RGS12: variants seen among roughly 807,000 people sequenced by gnomAD.
RGS12 encodes the protein regulator of G-protein signaling 12.
RGS12 carries 66 observed loss-of-function variants against 120.1 expected under a neutral mutation model. That is an observed-to-expected ratio of 0.55 (90% confidence interval 0.45 to 0.67). The LOEUF (loss-of-function observed/expected upper bound fraction) is 0.67, where lower values mean the gene tolerates loss of function less well. Ranked by LOEUF, RGS12 falls within the 30% of genes least tolerant of loss-of-function variation. RGS12 has a pLI of 0.00. For synonymous variants in RGS12, 827 were observed against 804.7 expected (o/e 1.03, Z -0.47); for missense variants, 1,859 against 1,957.7 (o/e 0.95, Z 0.95).
chr4:3,313,187 G>T (rs1414133809), intron 1 of RGS12: 2 of 152,238 alleles, frequency 1.3e-5, no homozygotes, highest in African/African-American at 4.8e-5. Context: ...CTGCATAGAA[G>T]ACATTGTCCA....
chr4:3,286,145 G>A, the RGS12 span, among the ~76,000 whole-genome samples: 1 of 152,354 alleles, frequency 6.6e-6, no homozygotes, highest in South Asian at 2.1e-4. Context: ...CCACAGGGAG[G>A]GTCACCAACT....
chr4:3,375,941 G>C (rs1717642819), intron 3 of RGS12, among the ~76,000 whole-genome samples: 1 of 152,226 alleles, frequency 6.6e-6, no homozygotes, highest in Non-Finnish European at 1.5e-5. Flanking sequence ...CCTGCCACCT[G>C]TCTGCGTGCT....
intron 2 of RGS12, among the ~76,000 whole-genome samples, chr4:3,321,878 G>A (rs1172530864): frequency 1.3e-5 from 2 of 152,224 alleles, no homozygotes; most frequent in Non-Finnish European, 2.9e-5. Context: ...AATGTTAAAC[G>A]TTCCCTTTGA....
intron 1 of RGS12, among the ~76,000 whole-genome samples, chr4:3,303,598 G>T (rs559249642): frequency 3.3e-5 from 5 of 152,326 alleles, no homozygotes; most frequent in African/African-American, 7.2e-5. Flanking sequence ...CCCTGGTAGT[G>T]GGGGGAACAA....
Position 3,433,086 on chromosome 4 carries a change from T to C in RGS12, c.4114+2131T>C, listed in dbSNP as rs1347759224. Among the ~76,000 whole-genome samples the C allele has an allele frequency of 1.3e-5, 2 of 152,228 alleles. No homozygotes were observed. Among genetic ancestry groups the C allele is most frequent in the South Asian group, 2.1e-4 (1 of 4,836 alleles). On this transcript the variant is annotated intron_variant, in intron 17 of 17. Coordinates refer to ENST00000336727, the MANE Select transcript of RGS12 (RefSeq NM_001394154.1). The surrounding 1 kb of genome is among the most constrained non-coding windows in gnomAD (Gnocchi z 4.4). Reference sequence around the variant, plus strand: ...CAAAGGAAACAGGCTGTGAATGCCGTGGTGGCCTGATGGAACCTCTTTCAC... The same window carrying C: ...CAAAGGAAACAGGCTGTGAATGCCGCGGTGGCCTGATGGAACCTCTTTCAC...
At chr4:3,399,669 CA>C (rs1278384036) in intron 4 of RGS12, among the ~76,000 whole-genome samples, 1 of 152,156 alleles carries the variant, frequency 6.6e-6, no homozygotes, top group Non-Finnish European at 1.5e-5. Flanking sequence ...TCAACATAGG[CA>C]AAAATGATTT....
In RGS12 at chr4:3,389,769, G is replaced by A. The variant is rs1719272624; in HGVS notation, c.2020+3332G>A. ...CAGCAGGAAAGCCGGGGAACTGTGC[G>A]GCTCTGGCTTTGGGGGACGGTGGCA... On this transcript the variant is annotated intron_variant, in intron 4 of 17. Coordinates refer to ENST00000336727, the MANE Select transcript of RGS12 (RefSeq NM_001394154.1). The surrounding 1 kb of genome is among the most constrained non-coding windows in gnomAD (Gnocchi z 5.2). Among the ~76,000 whole-genome samples, 2 of 152,178 alleles carry A rather than the reference G, an allele frequency of 1.3e-5. No homozygotes were observed. The highest frequency in any genetic ancestry group is 2.4e-5 in the African/African-American group (1 of 41,434).
chr4:3,311,456 T>C (rs1376793103), intron 1 of RGS12, among the ~76,000 whole-genome samples: 1 of 152,278 alleles, frequency 6.6e-6, no homozygotes, highest in Admixed American at 6.5e-5. Context: ...TTCTTTGTTT[T>C]GTTTTATTGT....
intron 3 of RGS12, among the ~76,000 whole-genome samples, chr4:3,381,718 G>A (rs1718278217): frequency 1.3e-5 from 2 of 152,138 alleles, no homozygotes; most frequent in African/African-American, 2.4e-5. Context: ...CACAACACGG[G>A]ATTATTGGAA....
At chr4:3,423,485 T>G in intron 12 of RGS12, 30 bp from the exon 13 acceptor site, 1 of 1,611,670 alleles carries the variant, frequency 6.2e-7, no homozygotes, top group Non-Finnish European at 8.5e-7. Flanking sequence ...CTGACATGAG[T>G]TGGTAGTGAA....
At chr4:3,410,217 C>T (rs1274912097) in intron 4 of RGS12, among the ~76,000 whole-genome samples, 1 of 152,236 alleles carries the variant, frequency 6.6e-6, no homozygotes, top group Non-Finnish European at 1.5e-5. Flanking sequence ...TGGGCTCAAG[C>T]CATCCTCTGG....
At chr4:3,422,777 C>G in intron 11 of RGS12, 128 bp from the exon 12 acceptor site, 3 of 1,022,120 alleles carry the variant, frequency 2.9e-6, no homozygotes, top group Non-Finnish European at 4.5e-6. Context: ...AGGGTGATCG[C>G]TTTCTTTGGA....
In RGS12 at chr4:3,423,530, G is replaced by A. The variant is rs375935101; in HGVS notation, c.3123G>A (p.Pro1041=). The A allele has an allele frequency of 8.7e-6, 14 of 1,612,986 alleles. No homozygotes were observed. The highest frequency in any genetic ancestry group is 8.3e-5 in the Admixed American group (5 of 59,998). The change falls in exon 13 of 18, where the codon CCG becomes CCA. Residue 1041 remains proline, a synonymous_variant. Transcript: ENST00000336727. ...CCCCCACCAGGCTGGATCTTGTTCC[G>A]ATTAACCGGTCAGTGGGACTCAAGG... is the stretch of plus-strand genomic sequence containing the variant. ...KRTLFRLDLV[P]INRSVGLKAK...
At chr4:3,406,965 CTGTT>C (rs1289641811) in intron 4 of RGS12, among the ~76,000 whole-genome samples, 2 of 152,158 alleles carry the variant, frequency 1.3e-5, no homozygotes, top group East Asian at 3.8e-4. Context: ...TGATAACACG[CTGTT>C]TGAGTGATCA....
At position 3,352,725 on chromosome 4, in the gene RGS12, C is replaced by A. The variant is rs116825273; in HGVS notation, c.1998+9672C>A. On this transcript the variant is annotated intron_variant, in intron 3 of 17. Coordinates refer to ENST00000336727, the MANE Select transcript of RGS12 (RefSeq NM_001394154.1). ...CAGATGTCCTCGCAGAAGTAATTTG[C>A]GTATGTGTGTAAGGTTGTTTGGCCT... 2.0e-5 allele frequency among the ~76,000 whole-genome samples: 3 copies of A among 152,226 alleles called. No individual in the cohort carries two copies. The South Asian group carries it at 6.2e-4, about 32-fold the overall frequency.
chr4:3,313,352 G>T (rs1724529763), intron 1 of RGS12, among the ~76,000 whole-genome samples: 2 of 152,252 alleles, frequency 1.3e-5, no homozygotes, highest in Admixed American at 6.5e-5. Flanking sequence ...CTGTCCTGGG[G>T]CTGTTCACAG....
At position 3,420,434 on chromosome 4, in the gene RGS12, C is replaced by A. The variant is rs562991397; in HGVS notation, c.2762-208C>A. Reference sequence around the variant, plus strand: ...CATCTCTGCTGCATGGTGGGTAGAGCCTTGTTGGTCCCTGACTGGCTTCCA... The same window carrying A: ...CATCTCTGCTGCATGGTGGGTAGAGACTTGTTGGTCCCTGACTGGCTTCCA... On this transcript the variant is annotated intron_variant, in intron 9 of 17. Transcript: ENST00000336727. 10 of 626,382 alleles carry A rather than the reference C, an allele frequency of 1.6e-5. No homozygotes were observed. The African/African-American group carries it at 1.8e-4, about 12-fold the overall frequency. The allele number at this position is 626,382 out of a possible 1,614,324, so 38.8% of individuals were successfully genotyped here. A position where few individuals can be genotyped will look rare whatever the true frequency, so the allele number is the denominator to read the frequency against.
chr4:3,419,131 G>A (rs1052270107), intron 9 of RGS12: 2 of 151,916 alleles, frequency 1.3e-5, no homozygotes, highest in African/African-American at 4.8e-5. Flanking sequence ...AGAAGTTCGA[G>A]ACCAGCCTGG....
chr4:3,303,545 C>T (rs1348265589), intron 1 of RGS12, among the ~76,000 whole-genome samples: 1 of 152,202 alleles, frequency 6.6e-6, no homozygotes, highest in Admixed American at 6.5e-5. Context: ...AGTTTCCCCT[C>T]CTTGGGAGAA....
Sources: allele counts gnomAD v4.1 joint callset (sites outside exome capture counted in the v4.1 genomes callset), GRCh38; gene constraint gnomAD v4.1.1; non-coding constraint Gnocchi (gnomAD v3.1); transcripts MANE v1.5; gene names NCBI Gene and HGNC (gene_info 2026-07-23, HGNC 2026-07-21).